NUCB2: variants seen among roughly 807,000 people sequenced by gnomAD.
The protein encoded by NUCB2 is nucleobindin-2.
Under a neutral mutation model 57.9 loss-of-function variants are expected in NUCB2, and 48 were observed. The ratio of observed to expected loss-of-function variants is 0.83; its 90% CI spans 0.66 to 1.05. The LOEUF (loss-of-function observed/expected upper bound fraction) is 1.05. Ranked by LOEUF, NUCB2 falls within the 50% of genes least tolerant of loss-of-function variation. NUCB2 has a pLI of 0.00. For missense variants in NUCB2, 442 were observed against 476.2 expected (o/e 0.93, Z 0.67); for synonymous variants, 139 against 152.1 (o/e 0.91, Z 0.64).
chr11:17,345,212 A>G (rs1475310573), intron 2 of NUCB2, among the ~76,000 whole-genome samples: 2 of 152,142 alleles, frequency 1.3e-5, no homozygotes, highest in African/African-American at 2.4e-5. Context: ...AAAAAAACCT[A>G]TCCATTATTG....
chr11:17,298,095 A>AG (rs1362108578), intron 4 of NUCB2, among the ~76,000 whole-genome samples: 1 of 151,812 alleles, frequency 6.6e-6, no homozygotes, highest in African/African-American at 2.4e-5. Flanking sequence ...AAAAAAAAAA[A>AG]AAAAAAAGGG....
chr11:17,324,952 C>G (rs556545197), intron 11 of NUCB2, among the ~76,000 whole-genome samples: 1 of 152,054 alleles, frequency 6.6e-6, no homozygotes, highest in East Asian at 1.9e-4. Context: ...CAGATGTGTG[C>G]CACAACGCCC....
downstream of NUCB2, among the ~76,000 whole-genome samples, chr11:17,336,496 T>C (rs1442693956): frequency 6.6e-6 from 1 of 151,858 alleles, no homozygotes; most frequent in East Asian, 1.9e-4. Context: ...AAAATACGCC[T>C]GTAATCCCAG....
chr11:17,322,364 T>C (rs1950139528), intron 11 of NUCB2, among the ~76,000 whole-genome samples: 1 of 152,160 alleles, frequency 6.6e-6, no homozygotes, highest in South Asian at 2.1e-4. Context: ...TTCCCCAATG[T>C]ATGTTCTTGG....
chr11:17,302,765 A>G lies in NUCB2; in HGVS notation c.379+895A>G, dbSNP rs184919015. ...TTTTTTTTTTTTTTTTCTGAGATGG[A>G]GTCTCGCTCTGTCGCCCAGGCTGGA... is the stretch of plus-strand genomic sequence containing the variant. On this transcript the variant is annotated intron_variant, in intron 5 of 13. Coordinates refer to ENST00000529010, the MANE Select transcript of NUCB2 (RefSeq NM_005013.4). 4.9e-3 allele frequency among the ~76,000 whole-genome samples: 700 copies of G among 143,586 alleles called. 5 individuals are homozygous for G. Among genetic ancestry groups the G allele is most frequent in the Non-Finnish European group, 7.7e-3 (509 of 66,176 alleles). 94.2% of individuals were successfully genotyped at this position (143,586 alleles called of 152,430 possible). A position where few individuals can be genotyped will look rare whatever the true frequency, so the allele number is the denominator to read the frequency against.
downstream of NUCB2, among the ~76,000 whole-genome samples, chr11:17,336,061 A>C (rs1199310962): frequency 6.6e-6 from 1 of 151,834 alleles, no homozygotes; most frequent in East Asian, 1.9e-4. Flanking sequence ...TGGATTTCGG[A>C]TTTTTTTGTA....
In NUCB2 at chr11:17,298,846, G is replaced by A. The variant is rs908494989; in HGVS notation, c.252+2635G>A. Among the ~76,000 whole-genome samples, 9 of 152,094 alleles carry A rather than the reference G, an allele frequency of 5.9e-5. No individual in the cohort carries two copies. The East Asian group carries it at 1.7e-3, about 30-fold the overall frequency. On this transcript the variant is annotated intron_variant, in intron 4 of 13. Coordinates refer to ENST00000529010, the MANE Select transcript of NUCB2 (RefSeq NM_005013.4). Reference sequence around the variant, plus strand: ...CCCAAGTAGCTGGGATTACAGGTGTGGGCCACCTTGTCTGGCTAATTTTTG... The same window carrying A: ...CCCAAGTAGCTGGGATTACAGGTGTAGGCCACCTTGTCTGGCTAATTTTTG...
At chr11:17,304,922 G>A (rs1947369099) in intron 5 of NUCB2, among the ~76,000 whole-genome samples, 1 of 152,226 alleles carries the variant, frequency 6.6e-6, no homozygotes, top group African/African-American at 2.4e-5. Context: ...TTATAAACAT[G>A]TCAGTTTTCT....
At chr11:17,335,408 T>C (rs1951725534), downstream of NUCB2, among the ~76,000 whole-genome samples, 1 of 152,222 alleles carries the variant, frequency 6.6e-6, no homozygotes, top group Non-Finnish European at 1.5e-5. Context: ...AGCAAACTAA[T>C]GTAATTTATA....
chr11:17,300,773 GT>G (rs1200226598), intron 4 of NUCB2, among the ~76,000 whole-genome samples: 2 of 151,986 alleles, frequency 1.3e-5, no homozygotes, highest in Non-Finnish European at 2.9e-5. Context: ...TGTTCTTTTA[GT>G]TATATATCTA....
chr11:17,342,749 G>A (rs1226737496), intron 2 of NUCB2, among the ~76,000 whole-genome samples: 9 of 149,330 alleles, frequency 6.0e-5, no homozygotes, highest in Non-Finnish European at 1.0e-4. Context: ...GGTCAATTTT[G>A]GAATAGGTGT....
At chr11:17,294,606 C>T (rs1455271484) in intron 2 of NUCB2, among the ~76,000 whole-genome samples, 1 of 149,584 alleles carries the variant, frequency 6.7e-6, no homozygotes, top group Non-Finnish European at 1.5e-5. Context: ...GTATGTACCA[C>T]CTAGGGTTGT....
At chr11:17,312,413 T>C (rs1948627377) in intron 10 of NUCB2, among the ~76,000 whole-genome samples, 1 of 151,634 alleles carries the variant, frequency 6.6e-6, no homozygotes, top group Admixed American at 6.6e-5. Context: ...ATATTTTTTT[T>C]TTTTTTTTGA....
At chr11:17,339,571 C>T (rs1438189584) in intron 2 of NUCB2, among the ~76,000 whole-genome samples, 1 of 134,704 alleles carries the variant, frequency 7.4e-6, no homozygotes, top group East Asian at 2.3e-4. Context: ...TCTCATTGTT[C>T]AGTTCCCACC....
intron 2 of NUCB2, among the ~76,000 whole-genome samples, chr11:17,342,971 G>T (rs1952407409): frequency 6.6e-6 from 1 of 152,020 alleles, no homozygotes; most frequent in East Asian, 1.9e-4. Context: ...GGTCTCTAAG[G>T]ACTTGCTTTA....
At chr11:17,340,517 A>C (rs1317013968) in intron 2 of NUCB2, among the ~76,000 whole-genome samples, 13 of 151,360 alleles carry the variant, frequency 8.6e-5, no homozygotes. Flanking sequence ...ATCTTGAATT[A>C]ATTTTTGTAT....
Position 17,330,810 on chromosome 11 carries a change from C to A in NUCB2, c.1174-92C>A. On this transcript the variant is annotated intron_variant, in intron 12 of 13. Transcript: ENST00000529010. This position sits in a 1 kb window ranked among gnomAD's most constrained non-coding sequence, Gnocchi z 4.3. The stretch of plus-strand genomic sequence containing the variant: ...GTTTGAATATCTTTGTTTTAGAAAA[C>A]AATTTTCATTTACTTTGTTGTGCTT... The A allele has an allele frequency of 2.4e-6, 2 of 825,644 alleles. No individual in the cohort carries two copies. The highest frequency in any genetic ancestry group is 4.1e-6 in the Non-Finnish European group (2 of 488,000). The allele number at this position is 825,644 out of a possible 1,614,324, so 51.1% of individuals were successfully genotyped here.
At chr11:17,308,421 A>G (rs964693310) in intron 5 of NUCB2, among the ~76,000 whole-genome samples, 5 of 152,236 alleles carry the variant, frequency 3.3e-5, no homozygotes, top group African/African-American at 9.6e-5. Flanking sequence ...TATACATGTT[A>G]AATGTACATA....
At chr11:17,281,614 G>A (rs1248165408) in intron 1 of NUCB2, among the ~76,000 whole-genome samples, 2 of 152,056 alleles carry the variant, frequency 1.3e-5, no homozygotes, top group African/African-American at 4.8e-5. Context: ...TATGAGCTCA[G>A]TTTTCTAGGT....
Sources: allele counts gnomAD v4.1 joint callset (sites outside exome capture counted in the v4.1 genomes callset), GRCh38; gene constraint gnomAD v4.1.1; non-coding constraint Gnocchi (gnomAD v3.1); transcripts MANE v1.5; gene names NCBI Gene and HGNC (gene_info 2026-07-23, HGNC 2026-07-21).